The following LSAMP variants were observed in gnomAD, a reference collection of about 807,000 sequenced individuals.
LSAMP encodes the protein limbic system associated membrane protein.
LSAMP carries 7 observed loss-of-function variants against 38.6 expected under a neutral mutation model. The ratio of observed to expected loss-of-function variants is 0.18; its 90% CI spans 0.10 to 0.34. The LOEUF (loss-of-function observed/expected upper bound fraction) is 0.34, where lower values mean the gene tolerates loss of function less well. Among genes scored for constraint, LSAMP ranks in the 10% least tolerant of loss-of-function variants. The probability of loss-of-function intolerance (pLI) is 1.00; values close to 1 mark genes in which losing one functional copy is unlikely to be tolerated. For missense variants in LSAMP, 313 were observed against 420.0 expected, an observed-to-expected ratio of 0.75 and a Z score of 2.23; for synonymous variants, 154 against 166.8, an observed-to-expected ratio of 0.92 and a Z score of 0.59.
intron 1 of LSAMP, among the ~76,000 whole-genome samples, chr3:116,101,704 T>C (rs1186121550): frequency 6.6e-6 from 1 of 152,136 alleles, no homozygotes; most frequent in Non-Finnish European, 1.5e-5. Flanking sequence ...ATCCAAACAG[T>C]AAATTAAAAA....
At chr3:116,437,609 AGAG>A (rs908928568) in intron 1 of LSAMP, among the ~76,000 whole-genome samples, 4 of 151,204 alleles carry the variant, frequency 2.6e-5, no homozygotes, top group African/African-American at 9.7e-5. Context: ...GAGGAAGGAG[AGAG>A]GAGAAGGGAG....
At chr3:116,444,067 A>G (rs907537587) in intron 1 of LSAMP, among the ~76,000 whole-genome samples, 11 of 152,202 alleles carry the variant, frequency 7.2e-5, no homozygotes, top group Non-Finnish European at 2.9e-5. Context: ...AGAGCTGCAC[A>G]GAAAAAAAGA....
chr3:116,415,329 C>A (rs1459696272), intron 1 of LSAMP, among the ~76,000 whole-genome samples: 1 of 151,834 alleles, frequency 6.6e-6, no homozygotes, highest in African/African-American at 2.4e-5. Flanking sequence ...AAATGGTTGC[C>A]GGACAAGGTA....
At chr3:116,296,681 C>A (rs561218660) in intron 1 of LSAMP, among the ~76,000 whole-genome samples, 3 of 105,314 alleles carry the variant, frequency 2.8e-5, no homozygotes, top group Non-Finnish European at 5.1e-5. Context: ...GGCGACAGAG[C>A]GTGACTCTGT....
chr3:115,963,536 G>T (rs1456680866), intron 3 of LSAMP, among the ~76,000 whole-genome samples: 1 of 152,132 alleles, frequency 6.6e-6, no homozygotes, highest in Non-Finnish European at 1.5e-5. Flanking sequence ...TGAATGAGGG[G>T]ATAGATCATG....
At chr3:116,391,002 C>T (rs1247314692) in intron 1 of LSAMP, among the ~76,000 whole-genome samples, 3 of 152,134 alleles carry the variant, frequency 2.0e-5, no homozygotes, top group Admixed American at 1.3e-4. Flanking sequence ...CAATATAGAG[C>T]TCCTCAAGTG....
At chr3:116,078,251 T>C (rs1707790206) in intron 2 of LSAMP, among the ~76,000 whole-genome samples, 1 of 151,784 alleles carries the variant, frequency 6.6e-6, no homozygotes, top group Non-Finnish European at 1.5e-5. Flanking sequence ...GTTAGCATTC[T>C]ATAATACAAA....
chr3:116,028,064 A>AAGC (rs1421054058), intron 2 of LSAMP, among the ~76,000 whole-genome samples: 1 of 152,114 alleles, frequency 6.6e-6, no homozygotes, highest in African/African-American at 2.4e-5. Flanking sequence ...AGCCCTGTTT[A>AAGC]TTTGCATATG....
At position 115,807,469 on chromosome 3, in the gene LSAMP, A is replaced by T. The variant is rs1490330211; in HGVS notation, c.*2848T>A. 1.3e-5 allele frequency: 2 copies of T among 152,176 alleles called. No homozygotes were observed. Among genetic ancestry groups the T allele is most frequent in the African/African-American group, 4.8e-5 (2 of 41,442 alleles). The allele number at this position is 152,176 out of a possible 1,614,324, so 9.4% of individuals were successfully genotyped here. A position where few individuals can be genotyped will look rare whatever the true frequency, so the allele number is the denominator to read the frequency against. The stretch of plus-strand genomic sequence containing the variant: ...GGAACAAACGGTGCTGACATGGCAG[A>T]CATTTATTTCAATGGAGAAGTTCCT... On this transcript the variant is annotated 3_prime_UTR_variant, in exon 7 of 7. Transcript: ENST00000490035.
chr3:116,193,874 A>G (rs1321941427), intron 1 of LSAMP, among the ~76,000 whole-genome samples: 4 of 152,148 alleles, frequency 2.6e-5, no homozygotes, highest in African/African-American at 9.7e-5. Flanking sequence ...CTTTTTATGA[A>G]TTAAACACCA....
chr3:116,433,420 T>C (rs1487109804), intron 1 of LSAMP, among the ~76,000 whole-genome samples: 1 of 152,130 alleles, frequency 6.6e-6, no homozygotes, highest in Non-Finnish European at 1.5e-5. Flanking sequence ...TTTTTCCTCA[T>C]GGTTATTGGT....
intron 1 of LSAMP, among the ~76,000 whole-genome samples, chr3:116,248,973 C>T (rs1469129050): frequency 6.6e-6 from 1 of 152,070 alleles, no homozygotes; most frequent in Non-Finnish European, 1.5e-5. Flanking sequence ...TGGTGAGACC[C>T]TGTCTCTACT....
Position 116,102,138 on chromosome 3 carries a change from G to C in LSAMP, c.156-15582C>G, listed in dbSNP as rs73858537. On this transcript the variant is annotated intron_variant, in intron 1 of 6. Transcript: ENST00000490035. ...AGAAAAACAGGAAGGCTGATAAAGA[G>C]ATATGTACAGTAGAATTTTCTCCAC... is the stretch of plus-strand genomic sequence containing the variant. Among the ~76,000 whole-genome samples, 282 of 152,268 alleles carry C rather than the reference G, an allele frequency of 1.9e-3. 1 individual carries two copies. Among genetic ancestry groups the C allele is most frequent in the African/African-American group, 6.5e-3 (269 of 41,540 alleles).
chr3:116,261,995 C>T (rs903107719), intron 1 of LSAMP, among the ~76,000 whole-genome samples: 2 of 151,668 alleles, frequency 1.3e-5, no homozygotes, highest in African/African-American at 4.8e-5. Context: ...CTTTATGTGG[C>T]TGATCTCTAT....
chr3:116,196,799 C>T (rs1266592739), intron 1 of LSAMP, among the ~76,000 whole-genome samples: 1 of 152,118 alleles, frequency 6.6e-6, no homozygotes, highest in Non-Finnish European at 1.5e-5. Flanking sequence ...ATTGTACTTT[C>T]TGGGGCCCTT....
At chr3:116,103,328 A>G (rs566055101) in intron 1 of LSAMP, among the ~76,000 whole-genome samples, 1 of 152,114 alleles carries the variant, frequency 6.6e-6, no homozygotes, top group South Asian at 2.1e-4. Flanking sequence ...TTAGCCAGGC[A>G]TAGTGTCACA....
intron 1 of LSAMP, among the ~76,000 whole-genome samples, chr3:116,297,597 T>C (rs1346625352): frequency 6.6e-6 from 1 of 152,194 alleles, no homozygotes; most frequent in Non-Finnish European, 1.5e-5. Flanking sequence ...GTTGAATATA[T>C]ACCATCCTAC....
chr3:116,018,170 T>C (rs1365099432), intron 3 of LSAMP, among the ~76,000 whole-genome samples: 1 of 152,170 alleles, frequency 6.6e-6, no homozygotes, highest in Non-Finnish European at 1.5e-5. Context: ...AGAAATTGCC[T>C]GTGTTAATAA....
At position 116,081,954 on chromosome 3, in the gene LSAMP, G is replaced by T. The variant is rs145846969; in HGVS notation, c.388+4370C>A. ...GGAGCAAAAGATTCAACATAAAAAT[G>T]ACCACTCTATTATTGGTACCAACTT... On this transcript the variant is annotated intron_variant, in intron 2 of 6. Coordinates refer to ENST00000490035, the MANE Select transcript of LSAMP (RefSeq NM_002338.5). Among the ~76,000 whole-genome samples, 116 of 152,252 alleles carry T rather than the reference G, an allele frequency of 7.6e-4. 2 individuals carry two copies. In the East Asian group the frequency reaches 0.022, roughly 29 times the overall value.
Sources: allele counts gnomAD v4.1 joint callset (sites outside exome capture counted in the v4.1 genomes callset), GRCh38; gene constraint gnomAD v4.1.1; transcripts MANE v1.5; gene names NCBI Gene and HGNC (gene_info 2026-07-23, HGNC 2026-07-21).